APBA1: variants seen among roughly 807,000 people sequenced by gnomAD.
APBA1 encodes the protein amyloid-beta A4 precursor protein-binding family A member 1.
Under a neutral mutation model 86.6 loss-of-function variants are expected in APBA1, and 55 were observed. The ratio of observed to expected loss-of-function variants is 0.64; its 90% CI spans 0.51 to 0.80. The LOEUF is 0.80. Ranked by LOEUF, APBA1 falls within the 30% of genes least tolerant of loss-of-function variation. The pLI is 0.00. For synonymous variants in APBA1, 511 were observed against 493.9 expected, an observed-to-expected ratio of 1.03 and a Z score of -0.46; for missense variants, 1,090 against 1,183.0, an observed-to-expected ratio of 0.92 and a Z score of 1.15.
At chr9:69,640,015 G>C (rs1190135227) in intron 1 of APBA1, among the ~76,000 whole-genome samples, 2 of 152,048 alleles carry the variant, frequency 1.3e-5, no homozygotes, top group South Asian at 4.2e-4. Flanking sequence ...GCAAAACCCA[G>C]ACTAAACTTT....
chr9:69,669,237 C>T (rs979588995), intron 1 of APBA1, among the ~76,000 whole-genome samples: 1 of 152,084 alleles, frequency 6.6e-6, no homozygotes, highest in Admixed American at 6.5e-5. Flanking sequence ...ACAATTACTT[C>T]TTCTTTCTAG....
chr9:69,488,142 A>T (rs1434773305), intron 2 of APBA1, among the ~76,000 whole-genome samples: 1 of 151,996 alleles, frequency 6.6e-6, no homozygotes, highest in African/African-American at 2.4e-5. Flanking sequence ...GTAACATTAG[A>T]GGTGCTTCCA....
intron 2 of APBA1, among the ~76,000 whole-genome samples, chr9:69,492,233 A>G (rs1835725327): frequency 6.6e-6 from 1 of 152,046 alleles, no homozygotes; most frequent in Non-Finnish European, 1.5e-5. Context: ...ATACTTCCTG[A>G]GAAATGGGGA....
At chr9:69,602,299 C>T (rs1479138460) in intron 1 of APBA1, among the ~76,000 whole-genome samples, 1 of 152,108 alleles carries the variant, frequency 6.6e-6, no homozygotes, top group Non-Finnish European at 1.5e-5. Flanking sequence ...TGGCGGGGCG[C>T]GGTTGCTCAA....
intron 2 of APBA1, among the ~76,000 whole-genome samples, chr9:69,497,518 C>G (rs1406286325): frequency 2.0e-5 from 3 of 152,154 alleles, no homozygotes; most frequent in Non-Finnish European, 4.4e-5. Flanking sequence ...CCAGGTCACT[C>G]TCCATCCCCA....
chr9:69,432,626 C>G lies in APBA1; in HGVS notation c.2352G>C (p.Val784=), dbSNP rs763800461. The G allele has an allele frequency of 1.2e-6, 2 of 1,605,714 alleles. No homozygotes were observed. Among genetic ancestry groups the G allele is most frequent in the Admixed American group, 3.4e-5 (2 of 58,896 alleles). ...GGIAERGGVR[V]GHRIIEINGQ... ...CATTGATTTCAATGATCCGGTGCCC[C>G]ACACGGACGCCTCCTCTCTCAGCTA... Residue 784 remains valine (V), a synonymous_variant, in exon 12 of 13, where the codon GTG becomes GTC. Transcript: ENST00000265381.
At chr9:69,563,585 G>A (rs561912693) in intron 1 of APBA1, among the ~76,000 whole-genome samples, 2 of 152,142 alleles carry the variant, frequency 1.3e-5, no homozygotes, top group South Asian at 4.2e-4. Flanking sequence ...TACTCCACCT[G>A]ACTTGTATTG....
intron 10 of APBA1, among the ~76,000 whole-genome samples, chr9:69,449,081 G>A (rs753188388): frequency 7.9e-5 from 12 of 152,222 alleles, no homozygotes; most frequent in African/African-American, 1.7e-4. Context: ...ATGAGCACAT[G>A]TGAGTTGCTT....
intron 1 of APBA1, among the ~76,000 whole-genome samples, chr9:69,559,259 A>C (rs550098653): frequency 6.6e-6 from 1 of 152,300 alleles, no homozygotes; most frequent in East Asian, 1.9e-4. Flanking sequence ...GTAGGTTTAA[A>C]ATACATACAG....
intron 1 of APBA1, among the ~76,000 whole-genome samples, chr9:69,626,533 A>G (rs866196860): frequency 1.3e-5 from 2 of 152,334 alleles, no homozygotes; most frequent in African/African-American, 4.8e-5. Flanking sequence ...ATACAAGAAT[A>G]AGAAAGAACT....
intron 1 of APBA1, among the ~76,000 whole-genome samples, chr9:69,567,748 T>C (rs1214945522): frequency 6.6e-6 from 1 of 152,110 alleles, no homozygotes; most frequent in Non-Finnish European, 1.5e-5. Context: ...CTCAGGCCTG[T>C]CAGGAGGAGG....
chr9:69,450,753 A>C (rs567500732), intron 9 of APBA1, among the ~76,000 whole-genome samples: 1 of 152,308 alleles, frequency 6.6e-6, no homozygotes, highest in Non-Finnish European at 1.5e-5. Flanking sequence ...TGAGGTGATT[A>C]ATATGGACTC....
intron 8 of APBA1, 122 bp downstream of exon 8, chr9:69,456,125 T>G: frequency 9.0e-7 from 1 of 1,105,292 alleles, no homozygotes; most frequent in Non-Finnish European, 1.3e-6. Flanking sequence ...GCTGGAACAG[T>G]GCCTGACACA....
chr9:69,567,934 G>C lies in APBA1; in HGVS notation c.-69-50655C>G, dbSNP rs75237972. Among the ~76,000 whole-genome samples, 988 of 152,156 alleles carry C rather than the reference G, an allele frequency of 6.5e-3. 10 individuals carry two copies. Among genetic ancestry groups the C allele is most frequent in the South Asian group, 0.018 (85 of 4,812 alleles). ...GTGGGAGAAATGATGAAAACTCTTG[G>C]GCTTGTGTTGAGAATCCCAGGAATG... is the stretch of plus-strand genomic sequence containing the variant. On this transcript the variant is annotated intron_variant, in intron 1 of 12. Transcript: ENST00000265381.
At chr9:69,585,918 C>A (rs1044670427) in intron 1 of APBA1, among the ~76,000 whole-genome samples, 1 of 152,076 alleles carries the variant, frequency 6.6e-6, no homozygotes. Context: ...GTGGGCTCTG[C>A]GACCTGCTGG....
chr9:69,487,317 TC>T (rs1320714875), intron 2 of APBA1, among the ~76,000 whole-genome samples: 4 of 151,944 alleles, frequency 2.6e-5, no homozygotes, highest in African/African-American at 7.2e-5. Flanking sequence ...GATCCCTGCC[TC>T]CCCCCAAAAA....
chr9:69,643,419 T>C (rs907100615), intron 1 of APBA1, among the ~76,000 whole-genome samples: 2 of 152,150 alleles, frequency 1.3e-5, no homozygotes, highest in South Asian at 2.1e-4. Context: ...AACAAGGACA[T>C]GGATAATATA....
At chr9:69,638,852 G>T (rs138765862) in intron 1 of APBA1, among the ~76,000 whole-genome samples, 1 of 152,104 alleles carries the variant, frequency 6.6e-6, no homozygotes, top group Non-Finnish European at 1.5e-5. Context: ...TTTGAATTTT[G>T]AAAATCAAAT....
intron 3 of APBA1, among the ~76,000 whole-genome samples, chr9:69,474,645 A>G (rs914685223): frequency 2.0e-5 from 3 of 152,198 alleles, no homozygotes; most frequent in Non-Finnish European, 4.4e-5. Flanking sequence ...TGTGCTCCCA[A>G]TGGCCAAGTG....
Sources: gnomAD v4.1 joint callset for allele counts (sites outside exome capture counted in the v4.1 genomes callset) on GRCh38, gnomAD v4.1.1 for gene constraint, MANE v1.5 for transcripts, NCBI Gene and HGNC (gene_info 2026-07-23, HGNC 2026-07-21) for gene names.